Variants in RAD51AP1 observed in about 807,000 individuals in gnomAD.
RAD51AP1 encodes RAD51 associated protein 1.
Under a neutral mutation model 34.3 loss-of-function variants are expected in RAD51AP1, and 14 were observed. That is an observed-to-expected ratio of 0.41 (90% CI 0.27 to 0.64). The LOEUF (loss-of-function observed/expected upper bound fraction) is 0.64. Among genes scored for constraint, RAD51AP1 ranks in the 30% least tolerant of loss-of-function variants. The probability of loss-of-function intolerance (pLI) is 0.33; values close to 1 mark genes in which losing one functional copy is unlikely to be tolerated. For missense variants in RAD51AP1, 348 were observed against 386.9 expected (o/e 0.90, Z 0.84); for synonymous variants, 114 against 129.8 (o/e 0.88, Z 0.83).
chr12:4,548,544 G>T (rs991384788), intron 5 of RAD51AP1, 143 bp from the exon 6 acceptor site: 14 of 956,552 alleles, frequency 1.5e-5, no homozygotes, highest in East Asian at 1.3e-4. Flanking sequence ...GACCCAGATT[G>T]GGCTAATAGT....
intron 5 of RAD51AP1, among the ~76,000 whole-genome samples, chr12:4,548,478 T>C (rs1011209329): frequency 1.3e-5 from 2 of 152,204 alleles, no homozygotes; most frequent in African/African-American, 4.8e-5. Flanking sequence ...TCTGTTTGGG[T>C]CTTGGATTTA....
chr12:4,541,333 C>G (rs1425436354), intron 1 of RAD51AP1, among the ~76,000 whole-genome samples: 3 of 152,128 alleles, frequency 2.0e-5, no homozygotes, highest in African/African-American at 7.2e-5. Flanking sequence ...AACAAGGTCA[C>G]TCACCATTTT....
intron 6 of RAD51AP1, among the ~76,000 whole-genome samples, chr12:4,551,320 A>G (rs1944544642): frequency 6.6e-6 from 1 of 151,352 alleles, no homozygotes; most frequent in South Asian, 2.1e-4. Context: ...ACATGGTGAA[A>G]CCCCTTCTCT....
intron 6 of RAD51AP1, among the ~76,000 whole-genome samples, chr12:4,551,152 C>T (rs993472645): frequency 2.6e-5 from 4 of 151,998 alleles, no homozygotes; most frequent in Non-Finnish European, 5.9e-5. Context: ...CCAAAAAAAG[C>T]GAGCCTGAAT....
intron 6 of RAD51AP1, 111 bp from the exon 7 acceptor site, chr12:4,552,872 G>A (rs1379880588): frequency 3.0e-6 from 3 of 998,862 alleles, no homozygotes; most frequent in Non-Finnish European, 2.8e-6. Flanking sequence ...TCTGCTACTG[G>A]AAACAGTGCA....
chr12:4,545,705 A>G (rs914140349), intron 3 of RAD51AP1: 10 of 1,513,386 alleles, frequency 6.6e-6, no homozygotes, highest in Non-Finnish European at 9.1e-6. Flanking sequence ...AGCAGCTTGA[A>G]TAGGACTTTA....
chr12:4,558,140 A>G (rs1462750657), intron 8 of RAD51AP1, among the ~76,000 whole-genome samples: 1 of 152,102 alleles, frequency 6.6e-6, no homozygotes, highest in East Asian at 1.9e-4. Context: ...CAGTGTCCCC[A>G]AGAACTATTA....
In RAD51AP1 at chr12:4,546,354, A is replaced by G. The variant is rs1317741996; in HGVS notation, c.255A>G (p.Ala85=). The G allele has an allele frequency of 6.2e-7, 1 of 1,613,124 alleles. No individual in the cohort carries two copies. The highest frequency in any genetic ancestry group is 8.5e-7 in the Non-Finnish European group (1 of 1,179,652). ...DKLYQRDLEV[A]LALSVKELPT... ...TCTACCAGAGAGACTTAGAAGTTGCACTAGCTTTATCAGTGAAGGAACTTC... is the reference window on the plus strand; with the variant it reads ...TCTACCAGAGAGACTTAGAAGTTGCGCTAGCTTTATCAGTGAAGGAACTTC... The change falls in exon 4 of 9, where the codon GCA becomes GCG. Residue 85 remains alanine, a synonymous_variant. Transcript: ENST00000352618.
In RAD51AP1 at chr12:4,552,966, A is replaced by G. The variant is rs945052490; in HGVS notation, c.557-17A>G. The G allele has an allele frequency of 1.9e-6, 3 of 1,558,916 alleles. No homozygotes were observed. The highest frequency in any genetic ancestry group is 1.4e-5 in the African/African-American group (1 of 71,972). ...ACTTTTTAGAGCAAAGATGAACTAT[A>G]TAATCTTCTGTTTTAGGTGAAGATT... On this transcript the variant is annotated splice_polypyrimidine_tract_variant and intron_variant, in intron 6 of 8. Coordinates refer to ENST00000352618, the MANE Select transcript of RAD51AP1 (RefSeq NM_006479.5).
rs1373854051 is a variant in RAD51AP1 at position 4,548,846 on chromosome 12, A to G, written c.556+10A>G. On this transcript the variant is annotated intron_variant, in intron 6 of 8. Coordinates refer to ENST00000352618, the MANE Select transcript of RAD51AP1 (RefSeq NM_006479.5). ...CCAGACTTTGCACCTGGTAGGTTTT[A>G]TTCTACTTCGAAATTAATTCTATGG... 1.2e-6 allele frequency: 2 copies of G among 1,600,632 alleles called. No homozygotes were observed. The highest frequency in any genetic ancestry group is 2.7e-5 in the African/African-American group (2 of 74,302).
intron 8 of RAD51AP1, 129 bp downstream of exon 8, chr12:4,556,631 G>C: frequency 9.7e-7 from 1 of 1,032,706 alleles, no homozygotes; most frequent in Non-Finnish European, 1.4e-6. Context: ...CAAAGTTCCT[G>C]GTTGCTGCAT....
chr12:4,548,888 G>T (rs746369712), intron 6 of RAD51AP1, 52 bp downstream of exon 6: 2 of 1,582,228 alleles, frequency 1.3e-6, no homozygotes, highest in South Asian at 2.3e-5. Context: ...AGTCAAAAAA[G>T]TTCTTGGAAG....
intron 7 of RAD51AP1, among the ~76,000 whole-genome samples, chr12:4,555,734 C>G (rs747859706): frequency 1.3e-5 from 2 of 152,312 alleles, no homozygotes; most frequent in Non-Finnish European, 2.9e-5. Flanking sequence ...TGATTTGGTT[C>G]AGACCATCCT....
intron 3 of RAD51AP1, chr12:4,545,925 A>C (rs564635524): frequency 4.2e-6 from 6 of 1,433,772 alleles, no homozygotes; most frequent in Non-Finnish European, 4.8e-6. Flanking sequence ...AAGAGCTATA[A>C]AATCTGCTAA....
intron 7 of RAD51AP1, among the ~76,000 whole-genome samples, chr12:4,554,776 C>T (rs565353285): frequency 2.0e-5 from 3 of 152,186 alleles, no homozygotes; most frequent in South Asian, 2.1e-4. Context: ...GTAAACTTTG[C>T]GAATTGTGTC....
rs749505289 is a variant in RAD51AP1 at position 4,543,845 on chromosome 12, T to C, written c.150T>C (p.Pro50=). Residue 50 remains proline, a synonymous_variant, in exon 3 of 9, where the codon CCT becomes CCC. Transcript: ENST00000352618. Reference sequence around the variant, plus strand: ...AGTTAAAACAAGATAAACCAAAACCTAACTTGAACAATCTCCGGAAAGAAG... The same window carrying C: ...AGTTAAAACAAGATAAACCAAAACCCAACTTGAACAATCTCCGGAAAGAAG... The part of the protein sequence containing the change: ...PKELKQDKPK[P]NLNNLRKEEI... 6.2e-7 allele frequency: 1 copy of C among 1,612,792 alleles called. No homozygotes were observed. Among genetic ancestry groups the C allele is most frequent in the Non-Finnish European group, 8.5e-7 (1 of 1,179,140 alleles).
At chr12:4,539,420 C>G (rs1944438039) in intron 1 of RAD51AP1, among the ~76,000 whole-genome samples, 2 of 152,156 alleles carry the variant, frequency 1.3e-5, no homozygotes, top group Non-Finnish European at 2.9e-5. Context: ...TGCTTTCCAT[C>G]GTGGTATTAG....
At chr12:4,545,851 AT>A (rs1944502251) in intron 3 of RAD51AP1, 2 of 1,603,152 alleles carry the variant, frequency 1.2e-6, no homozygotes, top group Admixed American at 3.4e-5. Flanking sequence ...TTGGTAAAAT[AT>A]TTGTTAAAGT....
intron 2 of RAD51AP1, among the ~76,000 whole-genome samples, chr12:4,543,445 A>G (rs985397514): frequency 6.6e-6 from 1 of 152,210 alleles, no homozygotes; most frequent in African/African-American, 2.4e-5. Context: ...CAATGTGATT[A>G]AATTCTACCA....
Sources: allele counts gnomAD v4.1 joint callset (sites outside exome capture counted in the v4.1 genomes callset), GRCh38; gene constraint gnomAD v4.1.1; transcripts MANE v1.5; gene names NCBI Gene and HGNC (gene_info 2026-07-23, HGNC 2026-07-21).